The following CYP39A1 variants were observed in gnomAD, a reference collection of about 807,000 sequenced individuals.
CYP39A1 encodes 24-hydroxycholesterol 7-alpha-hydroxylase.
In CYP39A1, 49 loss-of-function variants were observed where a neutral mutation model predicts 58.1. That is an observed-to-expected ratio of 0.84 (90% CI 0.67 to 1.07). The LOEUF is 1.07. Among genes scored for constraint, CYP39A1 ranks in the 50% least tolerant of loss-of-function variants. The probability of loss-of-function intolerance (pLI) is 0.00; values close to 1 mark genes in which losing one functional copy is unlikely to be tolerated. For synonymous variants in CYP39A1, 209 were observed against 187.6 expected (o/e 1.11, Z -0.93); for missense variants, 531 against 539.4 (o/e 0.98, Z 0.16).
intron 8 of CYP39A1, among the ~76,000 whole-genome samples, chr6:46,593,502 A>G (rs1772966472): frequency 6.6e-6 from 1 of 152,148 alleles, no homozygotes; most frequent in Non-Finnish European, 1.5e-5. Context: ...AAATAAAATA[A>G]AAATAAATAA....
intron 10 of CYP39A1, among the ~76,000 whole-genome samples, chr6:46,585,033 T>A (rs1772384244): frequency 6.6e-6 from 1 of 152,154 alleles, no homozygotes; most frequent in African/African-American, 2.4e-5. Context: ...GAGCTCAGCG[T>A]GCTCTAAAAA....
intron 10 of CYP39A1, chr6:46,583,309 CT>C (rs1772255303): frequency 1.0e-6 from 1 of 985,270 alleles, no homozygotes; most frequent in Non-Finnish European, 1.2e-6. Context: ...CAGGCATCCT[CT>C]TGCAGGAATT....
chr6:46,618,280 T>C (rs112827601), intron 7 of CYP39A1, among the ~76,000 whole-genome samples: 3 of 152,150 alleles, frequency 2.0e-5, no homozygotes, highest in Admixed American at 1.3e-4. Context: ...AAGAACTTGA[T>C]AACTTGAGTA....
chr6:46,595,032 G>A lies in CYP39A1; in HGVS notation c.1065+955C>T, dbSNP rs184847897. On this transcript the variant is annotated intron_variant, in intron 8 of 11. Transcript: ENST00000275016. ...TCTGAATAGACATTTCTCAAAAGAA[G>A]GCATACAAATGGCCAACAGGTATAA... Among the ~76,000 whole-genome samples, 910 of 151,964 alleles carry A rather than the reference G, an allele frequency of 6.0e-3. 8 individuals carry two copies. The highest frequency in any genetic ancestry group is 0.021 in the African/African-American group (857 of 41,486).
In CYP39A1 at chr6:46,639,623, T is replaced by C. The variant is rs549763749; in HGVS notation, c.359A>G (p.Tyr120Cys). 6.2e-6 allele frequency: 10 copies of C among 1,613,938 alleles called. No homozygotes were observed. Among genetic ancestry groups the C allele is most frequent in the South Asian group, 3.3e-5 (3 of 91,070 alleles). The stretch of plus-strand genomic sequence containing the variant: ...CCCCATTTTCCCTTTCAACATAATA[T>C]AGAGTTTTTCATGCAGTGCTAAAAA... Reference protein sequence around the residue: ...NVFLALHEKLYIMLKGKMGTV... With the variant: ...NVFLALHEKLCIMLKGKMGTV... Residue 120 changes from tyrosine to cysteine, a missense_variant, in exon 3 of 12, where the codon TAT (tyrosine) becomes TGT (cysteine). Coordinates refer to ENST00000275016, the MANE Select transcript of CYP39A1 (RefSeq NM_016593.5).
chr6:46,581,404 A>G (rs1422840744), intron 10 of CYP39A1, among the ~76,000 whole-genome samples: 1 of 117,352 alleles, frequency 8.5e-6, no homozygotes, highest in African/African-American at 4.8e-5. Context: ...GGCCTGTCTC[A>G]GAAAAAAAAA....
At chr6:46,631,101 A>ATGGTT in intron 5 of CYP39A1, 31 bp from the exon 6 acceptor site, 3 of 1,461,304 alleles carry the variant, frequency 2.1e-6, no homozygotes, top group Non-Finnish European at 2.9e-6. Context: ...TTGCCAAACC[A>ATGGTT]TGGCTATGTG....
At chr6:46,577,253 C>T (rs1771890372) in intron 10 of CYP39A1, among the ~76,000 whole-genome samples, 1 of 152,156 alleles carries the variant, frequency 6.6e-6, no homozygotes, top group African/African-American at 2.4e-5. Context: ...TACCACTAGA[C>T]CTGCCTTACA....
chr6:46,611,020 G>A (rs1774183888), intron 7 of CYP39A1, among the ~76,000 whole-genome samples: 1 of 152,154 alleles, frequency 6.6e-6, no homozygotes, highest in Admixed American at 6.5e-5. Flanking sequence ...AATAAGCCTA[G>A]AGATTGTCCA....
chr6:46,592,345 G>C (rs1245340886), intron 8 of CYP39A1, among the ~76,000 whole-genome samples: 1 of 152,122 alleles, frequency 6.6e-6, no homozygotes, highest in Non-Finnish European at 1.5e-5. Flanking sequence ...ATAAGCCCAT[G>C]TGAAATGTGT....
At chr6:46,624,224 C>G (rs1475384390) in intron 7 of CYP39A1, among the ~76,000 whole-genome samples, 3 of 152,092 alleles carry the variant, frequency 2.0e-5, no homozygotes, top group African/African-American at 4.8e-5. Flanking sequence ...TTGGAGTACC[C>G]TAAGTCAGGA....
At chr6:46,624,344 T>C (rs1775168103) in intron 7 of CYP39A1, among the ~76,000 whole-genome samples, 1 of 152,192 alleles carries the variant, frequency 6.6e-6, no homozygotes, top group Non-Finnish European at 1.5e-5. Flanking sequence ...GTTTTGTAGA[T>C]GCAAGCTGCA....
Position 46,571,028 on chromosome 6 carries a change from A to G in CYP39A1, c.1250+16049T>C, listed in dbSNP as rs890679726. On this transcript the variant is annotated intron_variant, in intron 10 of 11. Coordinates refer to ENST00000275016, the MANE Select transcript of CYP39A1 (RefSeq NM_016593.5). Reference sequence around the variant, plus strand: ...TTGTTTAATTTCCATATGTTTGTGAATGTTCCAGTTTTCCTCCTGTTATTG... The same window carrying G: ...TTGTTTAATTTCCATATGTTTGTGAGTGTTCCAGTTTTCCTCCTGTTATTG... Among the ~76,000 whole-genome samples the G allele has an allele frequency of 3.3e-5, 5 of 152,144 alleles. No homozygotes were observed. In the East Asian group the frequency reaches 9.6e-4, roughly 29 times the overall value.
chr6:46,563,322 T>C (rs1771082999), intron 10 of CYP39A1, among the ~76,000 whole-genome samples: 1 of 152,204 alleles, frequency 6.6e-6, no homozygotes, highest in South Asian at 2.1e-4. Context: ...GTTTTCTTAA[T>C]ACTTCTAATG....
intron 11 of CYP39A1, among the ~76,000 whole-genome samples, chr6:46,551,120 G>A (rs933394716): frequency 5.3e-5 from 8 of 152,128 alleles, no homozygotes; most frequent in Admixed American, 4.6e-4. Context: ...AAGATGAGGA[G>A]TGAGGAAAGA....
chr6:46,616,164 T>TA (rs1774549056), intron 7 of CYP39A1, among the ~76,000 whole-genome samples: 5 of 2,292 alleles, frequency 2.2e-3, no homozygotes, highest in African/African-American at 8.0e-3. Context: ...TTCTTTCTTT[T>TA]TTCTTTCTTT....
At chr6:46,578,358 T>C (rs1457280872) in intron 10 of CYP39A1, among the ~76,000 whole-genome samples, 1 of 151,874 alleles carries the variant, frequency 6.6e-6, no homozygotes, top group Non-Finnish European at 1.5e-5. Flanking sequence ...ATATCACCTA[T>C]GGGAACTAGA....
intron 7 of CYP39A1, among the ~76,000 whole-genome samples, chr6:46,602,147 AATGG>A (rs545425113): frequency 6.6e-6 from 1 of 152,006 alleles, no homozygotes; most frequent in Non-Finnish European, 1.5e-5. Flanking sequence ...TGAATAAATG[AATGG>A]ATGGATGGAT....
chr6:46,633,369 T>C (rs1775772834), intron 5 of CYP39A1, among the ~76,000 whole-genome samples: 1 of 152,198 alleles, frequency 6.6e-6, no homozygotes, highest in South Asian at 2.1e-4. Flanking sequence ...GTTTAAGATA[T>C]ATCTAAAATA....
Sources: gnomAD v4.1 joint callset for allele counts (sites outside exome capture counted in the v4.1 genomes callset) on GRCh38, gnomAD v4.1.1 for gene constraint, MANE v1.5 for transcripts, NCBI Gene and HGNC (gene_info 2026-07-23, HGNC 2026-07-21) for gene names.